ZBTB7C: variants seen among roughly 807,000 people sequenced by gnomAD.
The protein encoded by ZBTB7C is zinc finger and BTB domain-containing protein 7C.
Under a neutral mutation model 25.7 loss-of-function variants are expected in ZBTB7C, and 8 were observed. The observed-to-expected ratio is 0.31, with a 90% CI of 0.18 to 0.56. The LOEUF (loss-of-function observed/expected upper bound fraction) is 0.56. ZBTB7C is among the 20% of genes least tolerant of loss of function. The probability of loss-of-function intolerance (pLI) is 0.91; values close to 1 mark genes in which losing one functional copy is unlikely to be tolerated. For synonymous variants in ZBTB7C, 394 were observed against 369.0 expected, an observed-to-expected ratio of 1.07 and a Z score of -0.78; for missense variants, 824 against 855.2, an observed-to-expected ratio of 0.96 and a Z score of 0.46.
At chr18:48,304,356 T>C (rs1405497277) in intron 2 of ZBTB7C, among the ~76,000 whole-genome samples, 3 of 152,280 alleles carry the variant, frequency 2.0e-5, no homozygotes, top group Non-Finnish European at 4.4e-5. Flanking sequence ...CTCACACCAA[T>C]GTGGGGGACA....
At chr18:48,232,215 A>T (rs1288919678) in intron 2 of ZBTB7C, among the ~76,000 whole-genome samples, 2 of 152,234 alleles carry the variant, frequency 1.3e-5, no homozygotes, top group African/African-American at 4.8e-5. Flanking sequence ...ATGTGAAGAT[A>T]GAGGCAAAGA....
intron 2 of ZBTB7C, among the ~76,000 whole-genome samples, chr18:48,230,797 C>T (rs138822085): frequency 1.0e-3 from 152 of 152,282 alleles, no homozygotes; most frequent in African/African-American, 3.5e-3. Flanking sequence ...AGTGAGAGTG[C>T]AGACCCAGGC....
chr18:48,136,977 AG>A (rs1295425185), intron 3 of ZBTB7C: 1 of 966,860 alleles, frequency 1.0e-6, no homozygotes, highest in African/African-American at 1.8e-5. Context: ...ATCCTAGCCC[AG>A]AGGCGGGCCG....
chr18:48,138,886 G>T (rs1004205581), intron 3 of ZBTB7C, among the ~76,000 whole-genome samples: 1 of 152,244 alleles, frequency 6.6e-6, no homozygotes, highest in East Asian at 1.9e-4. Flanking sequence ...AGAAGTGTTT[G>T]CTGTGTGCCC....
intron 1 of ZBTB7C, among the ~76,000 whole-genome samples, chr18:48,386,048 A>T (rs1333252043): frequency 1.3e-5 from 2 of 152,198 alleles, no homozygotes; most frequent in Admixed American, 1.3e-4. Context: ...TTCCTTACCC[A>T]TTATCCTCCA....
Position 48,029,302 on chromosome 18 carries a change from G to A in ZBTB7C, c.1818C>T (p.Ala606=). Reference sequence around the variant, plus strand: ...ACATGGAGGCCACGTGGTTGAGGCCGGCGAGCCCAGGGAGGCCGGCCAGGC... The same window carrying A: ...ACATGGAGGCCACGTGGTTGAGGCCAGCGAGCCCAGGGAGGCCGGCCAGGC... ...AAGLAGLPGL[A]GLNHVASMSE... is the part of the protein sequence containing the mutation. Residue 606 remains alanine (A), a synonymous_variant, in exon 5 of 5, where the codon GCC becomes GCT. Transcript: ENST00000590800. 2.0e-6 allele frequency: 3 copies of A among 1,537,118 alleles called. No individual in the cohort carries two copies. The highest frequency in any genetic ancestry group is 1.2e-5 in the South Asian group (1 of 83,934).
chr18:48,392,037 G>C (rs2047914871), intron 1 of ZBTB7C, among the ~76,000 whole-genome samples: 1 of 152,178 alleles, frequency 6.6e-6, no homozygotes, highest in Admixed American at 6.5e-5. Context: ...CTGGCACTCA[G>C]TGCAAGGGAG....
intron 2 of ZBTB7C, among the ~76,000 whole-genome samples, chr18:48,335,165 T>C (rs1253955568): frequency 6.6e-6 from 1 of 152,210 alleles, no homozygotes; most frequent in African/African-American, 2.4e-5. Context: ...GTGGCCCGGT[T>C]CTCATGCAAA....
intron 2 of ZBTB7C, among the ~76,000 whole-genome samples, chr18:48,316,128 A>G (rs184540836): frequency 6.6e-6 from 1 of 151,686 alleles, no homozygotes; most frequent in East Asian, 1.9e-4. Flanking sequence ...TTAAAAGAAC[A>G]CTCCCTTCCT....
intron 2 of ZBTB7C, among the ~76,000 whole-genome samples, chr18:48,223,627 C>A (rs2043014593): frequency 1.3e-5 from 2 of 152,162 alleles, no homozygotes; most frequent in African/African-American, 4.8e-5. Flanking sequence ...TCCCACCTTA[C>A]TTCTTCAATG....
intron 2 of ZBTB7C, among the ~76,000 whole-genome samples, chr18:48,319,619 A>C (rs75665060): frequency 0.016 from 2,395 of 152,364 alleles, 67 homozygotes; most frequent in African/African-American, 0.055. Context: ...GGCTTTGAAC[A>C]AGGCTAAAAG....
In ZBTB7C at chr18:48,304,088, CA is replaced by C. The variant is rs541177644; in HGVS notation, c.-79+34085del. Among the ~76,000 whole-genome samples, 1,388 of 152,290 alleles carry C rather than the reference CA, an allele frequency of 9.1e-3. 20 individuals carry two copies. The highest frequency in any genetic ancestry group is 0.033 in the Admixed American group (500 of 15,296). On this transcript the variant is annotated intron_variant, in intron 2 of 4. Transcript: ENST00000590800. Reference sequence around the variant, plus strand: ...TGGGTGACAAAGCCAGGAATGAACCCAGGGGGTCTGGGCCAGAGCCCACACC... The same window carrying C: ...TGGGTGACAAAGCCAGGAATGAACCCGGGGGTCTGGGCCAGAGCCCACACC...
At chr18:48,162,447 T>C in intron 3 of ZBTB7C, 1 of 454,712 alleles carries the variant, frequency 2.2e-6, no homozygotes, top group Non-Finnish European at 4.4e-6. Flanking sequence ...TGCTGCGGTT[T>C]GGTGCCTGGC....
chr18:48,095,689 G>A (rs1313785701), intron 3 of ZBTB7C, among the ~76,000 whole-genome samples: 2 of 151,212 alleles, frequency 1.3e-5, no homozygotes, highest in South Asian at 2.1e-4. Flanking sequence ...TCCAGCCTGG[G>A]TGACAGAGTG....
chr18:48,182,626 C>T (rs974766818), intron 3 of ZBTB7C, among the ~76,000 whole-genome samples: 1 of 152,186 alleles, frequency 6.6e-6, no homozygotes, highest in Admixed American at 6.5e-5. Flanking sequence ...GCCCCTTCTA[C>T]CAGAGGGGGC....
intron 3 of ZBTB7C, among the ~76,000 whole-genome samples, chr18:48,177,669 A>AC (rs2041729799): frequency 6.6e-6 from 1 of 151,748 alleles, no homozygotes; most frequent in Admixed American, 6.6e-5. Context: ...CCTGTTGAGA[A>AC]CCTGGGTCCA....
At chr18:48,082,102 C>A (rs2038013464) in intron 3 of ZBTB7C, among the ~76,000 whole-genome samples, 2 of 152,180 alleles carry the variant, frequency 1.3e-5, no homozygotes. Flanking sequence ...TGGTCCTTAT[C>A]ACAATGGTTT....
intron 3 of ZBTB7C, among the ~76,000 whole-genome samples, chr18:48,184,663 C>T (rs1364373422): frequency 1.3e-5 from 2 of 152,026 alleles, no homozygotes; most frequent in Non-Finnish European, 2.9e-5. Context: ...GAGCACAGTA[C>T]CTAGAGCTCC....
intron 3 of ZBTB7C, among the ~76,000 whole-genome samples, chr18:48,158,368 G>A (rs542047313): frequency 7.9e-5 from 12 of 152,270 alleles, no homozygotes; most frequent in Admixed American, 2.0e-4. Context: ...GCTTCCCAAA[G>A]CCACCGACAC....
Sources: allele counts gnomAD v4.1 joint callset (sites outside exome capture counted in the v4.1 genomes callset), GRCh38; gene constraint gnomAD v4.1.1; transcripts MANE v1.5; gene names NCBI Gene and HGNC (gene_info 2026-07-23, HGNC 2026-07-21).